DGKB: variants seen among roughly 807,000 people sequenced by gnomAD.
DGKB encodes 90 kDa diacylglycerol kinase.
In DGKB, 67 loss-of-function variants were observed where a neutral mutation model predicts 114.3. That is an observed-to-expected ratio of 0.59 (90% CI 0.48 to 0.72). The LOEUF (loss-of-function observed/expected upper bound fraction) is 0.72. Among genes scored for constraint, DGKB ranks in the 30% least tolerant of loss-of-function variants. The pLI is 0.00. For synonymous variants in DGKB, 398 were observed against 323.1 expected (o/e 1.23, Z -2.49); for missense variants, 907 against 975.2 (o/e 0.93, Z 0.93).
chr7:14,834,483 C>T lies in DGKB; in HGVS notation c.70+6711G>A, dbSNP rs553318624. The stretch of plus-strand genomic sequence containing the variant: ...ATTGCTTAGGCCAAAGAAATATTAG[C>T]GTATCACTTGCAGGGAGAAGGTATC... On this transcript the variant is annotated intron_variant, in intron 2 of 25. Coordinates refer to ENST00000402815, the MANE Select transcript of DGKB (RefSeq NM_001350709.2). Among the ~76,000 whole-genome samples the T allele has an allele frequency of 3.9e-5, 6 of 152,220 alleles. No homozygotes were observed. The South Asian group carries it at 8.3e-4, about 21-fold the overall frequency.
Position 14,601,400 on chromosome 7 carries a change from T to C in DGKB, c.1433+6034A>G, listed in dbSNP as rs979170963. ...AAACGTTTTCAGGGCCACTCTTCCA[T>C]TGTCTTGATGAATAGCATTCTAGAT... On this transcript the variant is annotated intron_variant, in intron 17 of 25. Coordinates refer to ENST00000402815, the MANE Select transcript of DGKB (RefSeq NM_001350709.2). Among the ~76,000 whole-genome samples, 6 of 152,272 alleles carry C rather than the reference T, an allele frequency of 3.9e-5. No individual in the cohort carries two copies. In the South Asian group the frequency reaches 6.2e-4, roughly 16 times the overall value.
intron 25 of DGKB, among the ~76,000 whole-genome samples, chr7:14,173,722 C>T (rs1781339091): frequency 1.3e-5 from 2 of 152,208 alleles, no homozygotes; most frequent in South Asian, 2.1e-4. Context: ...ATATTCTCTT[C>T]AATTACAGTG....
At chr7:14,485,891 CAA>C (rs11454311) in intron 20 of DGKB, among the ~76,000 whole-genome samples, 33 of 115,330 alleles carry the variant, frequency 2.9e-4, no homozygotes, top group East Asian at 4.6e-4. Flanking sequence ...AACTCCATCT[CAA>C]AAAAAAAAAA....
rs1199056120 is a variant in DGKB, at chr7:14,574,503, A to C, written c.1610-131T>G. Reference sequence around the variant, plus strand: ...TAATGATTTTGAAGCACATTCTGCCACCAAATGAAGAATTAATTATAAGAT... The same window carrying C: ...TAATGATTTTGAAGCACATTCTGCCCCCAAATGAAGAATTAATTATAAGAT... On this transcript the variant is annotated intron_variant, in intron 19 of 25. Transcript: ENST00000402815. The C allele has an allele frequency of 8.4e-6, 6 of 716,050 alleles. No homozygotes were observed. In the Admixed American group the frequency reaches 1.8e-4, roughly 21 times the overall value. 44.4% of individuals were successfully genotyped at this position (716,050 alleles called of 1,614,324 possible).
chr7:14,775,618 G>A (rs1562503665), intron 2 of DGKB, among the ~76,000 whole-genome samples: 1 of 151,908 alleles, frequency 6.6e-6, no homozygotes, highest in Non-Finnish European at 1.5e-5. Flanking sequence ...ATGAGACCTG[G>A]TGGTTTTATA....
At chr7:14,485,099 CACACA>C (rs1783581861) in intron 20 of DGKB, among the ~76,000 whole-genome samples, 137 of 1,176 alleles carry the variant, frequency 0.12, 1 homozygote, top group East Asian at 0.4. Flanking sequence ...ACACACACCA[CACACA>C]CACACACACA....
At chr7:14,615,285 C>T (rs1424469457) in intron 15 of DGKB, among the ~76,000 whole-genome samples, 1 of 151,868 alleles carries the variant, frequency 6.6e-6, no homozygotes, top group African/African-American at 2.4e-5. Context: ...CTAAAGTCAA[C>T]ATTCATTTTA....
At position 14,222,415 on chromosome 7, in the gene DGKB, T is replaced by C. The variant is rs528539552; in HGVS notation, c.2123-44264A>G. On this transcript the variant is annotated intron_variant, in intron 23 of 25. Coordinates refer to ENST00000402815, the MANE Select transcript of DGKB (RefSeq NM_001350709.2). ...TTGATTCATTGGTTATTTTAGAGTA[T>C]GTTTTTGAATTTTCAATGTTAGTAA... Among the ~76,000 whole-genome samples, 67 of 151,478 alleles carry C rather than the reference T, an allele frequency of 4.4e-4. 1 individual carries two copies. Among genetic ancestry groups the C allele is most frequent in the Admixed American group, 2.2e-3 (33 of 15,176 alleles).
chr7:14,619,263 A>G (rs1807162562), intron 15 of DGKB, among the ~76,000 whole-genome samples: 1 of 151,496 alleles, frequency 6.6e-6, no homozygotes, highest in African/African-American at 2.4e-5. Flanking sequence ...TATGTCAAAG[A>G]AAGTTATAAA....
At chr7:14,427,280 A>G (rs1318199866) in intron 21 of DGKB, among the ~76,000 whole-genome samples, 3 of 152,092 alleles carry the variant, frequency 2.0e-5, no homozygotes, top group East Asian at 1.9e-4. Context: ...AGAGTCACCT[A>G]TGCTTCACTT....
chr7:14,282,928 A>T (rs1442235020), intron 23 of DGKB, among the ~76,000 whole-genome samples: 1 of 152,008 alleles, frequency 6.6e-6, no homozygotes, highest in Non-Finnish European at 1.5e-5. Flanking sequence ...CAAAAACTGG[A>T]AGCATTCCCT....
intron 1 of DGKB, among the ~76,000 whole-genome samples, chr7:14,925,751 T>C (rs1784711975): frequency 6.6e-6 from 1 of 152,176 alleles, no homozygotes; most frequent in Non-Finnish European, 1.5e-5. Flanking sequence ...TCTTACATCC[T>C]ATAACCTTGC....
At chr7:14,186,700 G>T (rs1312622515) in intron 23 of DGKB, among the ~76,000 whole-genome samples, 1 of 152,164 alleles carries the variant, frequency 6.6e-6, no homozygotes, top group Non-Finnish European at 1.5e-5. Context: ...AAAAAAGAAT[G>T]AATTAACAGC....
intron 20 of DGKB, among the ~76,000 whole-genome samples, chr7:14,559,350 GTCC>G (rs1217718113): frequency 1.3e-5 from 2 of 152,106 alleles, no homozygotes; most frequent in East Asian, 3.9e-4. Flanking sequence ...TTGCTCTGCA[GTCC>G]TCCTACATCA....
chr7:14,324,944 A>G (rs1808463234), intron 23 of DGKB, among the ~76,000 whole-genome samples: 1 of 152,202 alleles, frequency 6.6e-6, no homozygotes, highest in Non-Finnish European at 1.5e-5. Context: ...AGTCTACGTT[A>G]AAGTGCCATA....
intron 21 of DGKB, among the ~76,000 whole-genome samples, chr7:14,385,919 G>C (rs1415653828): frequency 1.3e-5 from 2 of 152,178 alleles, no homozygotes; most frequent in Non-Finnish European, 2.9e-5. Flanking sequence ...AAAGTCACAA[G>C]TACTGCCAAT....
At chr7:14,524,373 G>C (rs1370644017) in intron 20 of DGKB, among the ~76,000 whole-genome samples, 1 of 152,130 alleles carries the variant, frequency 6.6e-6, no homozygotes, top group Non-Finnish European at 1.5e-5. Flanking sequence ...TACTTGCCAG[G>C]CTACTGAACT....
chr7:14,399,131 G>GCC (rs1563101181), intron 21 of DGKB, among the ~76,000 whole-genome samples: 5 of 151,482 alleles, frequency 3.3e-5, no homozygotes, highest in African/African-American at 7.3e-5. Flanking sequence ...CTCATTTTCT[G>GCC]ATTGGCAAAA....
chr7:14,185,847 C>T (rs890956086), intron 23 of DGKB, among the ~76,000 whole-genome samples: 6 of 152,140 alleles, frequency 3.9e-5, no homozygotes, highest in African/African-American at 1.4e-4. Flanking sequence ...CCTTATCTCT[C>T]ACCTTATACA....
Sources: allele counts gnomAD v4.1 joint callset (sites outside exome capture counted in the v4.1 genomes callset), GRCh38; gene constraint gnomAD v4.1.1; transcripts MANE v1.5; gene names NCBI Gene and HGNC (gene_info 2026-07-23, HGNC 2026-07-21).